The following RP1 variants were observed in gnomAD, a reference collection of about 807,000 sequenced individuals.
RP1 encodes the protein RP1 axonemal microtubule associated, also known as oxygen-regulated protein 1.
A neutral mutation model predicts 14.8 loss-of-function variants in RP1; 16 were observed. The observed-to-expected ratio is 1.08, with a 90% CI of 0.73 to 1.65. The LOEUF is 1.65. Ranked by LOEUF, RP1 falls within the 40% of genes most tolerant of loss-of-function variation. The pLI is 0.00. For missense variants in RP1, 2,631 were observed against 2,535.0 expected (o/e 1.04, Z -0.81); for synonymous variants, 876 against 883.6 (o/e 0.99, Z 0.15).
At chr8:54,799,277 A>G (rs984921998) in intron 24 of RP1, among the ~76,000 whole-genome samples, 6 of 152,096 alleles carry the variant, frequency 3.9e-5, no homozygotes, top group African/African-American at 1.4e-4. Flanking sequence ...ATCCAAATAC[A>G]TTCATTCAAA....
chr8:54,627,543 C>G lies in RP1; in HGVS notation c.3661C>G (p.Pro1221Ala). 1.2e-6 allele frequency: 2 copies of G among 1,614,138 alleles called. No homozygotes were observed. Among genetic ancestry groups the G allele is most frequent in the Non-Finnish European group, 1.7e-6 (2 of 1,179,996 alleles). ...TTCCACGGTCAACATTCAGAGTGTTCCTAAGTGCAGTGAAAATGAAAGAAC... is the reference window on the plus strand; with the variant it reads ...TTCCACGGTCAACATTCAGAGTGTTGCTAAGTGCAGTGAAAATGAAAGAAC... ...NCSTVNIQSV[P>A]KCSENERTQG... The change falls in exon 4 of 4, where the codon CCT becomes GCT. Residue 1221 changes from proline to alanine, a missense_variant. Transcript: ENST00000220676.
chr8:54,763,319 A>G (rs915338806), intron 22 of RP1, among the ~76,000 whole-genome samples: 4 of 152,246 alleles, frequency 2.6e-5, no homozygotes, highest in Non-Finnish European at 2.9e-5. Flanking sequence ...AAGGAGTGCC[A>G]AAAGCTTCTC....
At chr8:54,793,664 G>C (rs1408211084) in intron 24 of RP1, among the ~76,000 whole-genome samples, 1 of 151,870 alleles carries the variant, frequency 6.6e-6, no homozygotes, top group Non-Finnish European at 1.5e-5. Flanking sequence ...ATTTAATATA[G>C]AAGGAATGTA....
intron 27 of RP1, among the ~76,000 whole-genome samples, chr8:54,860,438 A>C (rs951283556): frequency 3.3e-5 from 5 of 152,240 alleles, no homozygotes; most frequent in African/African-American, 1.2e-4. Flanking sequence ...AATGGAATAT[A>C]GAAAGCTTCA....
intron 1 of RP1, among the ~76,000 whole-genome samples, chr8:54,604,876 G>A (rs968274340): frequency 6.6e-6 from 1 of 152,122 alleles, no homozygotes; most frequent in African/African-American, 2.4e-5. Flanking sequence ...TGTGGGATCG[G>A]CGGTGATATC....
chr8:54,809,451 G>T (rs1173953571), intron 24 of RP1, among the ~76,000 whole-genome samples: 1 of 152,108 alleles, frequency 6.6e-6, no homozygotes, highest in Admixed American at 6.5e-5. Context: ...GTCGACTGCT[G>T]GCATCTGAAT....
chr8:54,772,470 A>G (rs1027197332), downstream of RP1, among the ~76,000 whole-genome samples: 1 of 152,168 alleles, frequency 6.6e-6, no homozygotes, highest in Admixed American at 6.5e-5. Context: ...TATTATCCTC[A>G]TATGTTGTCT....
intron 24 of RP1, among the ~76,000 whole-genome samples, chr8:54,784,583 C>A (rs1810272514): frequency 6.6e-6 from 1 of 152,072 alleles, no homozygotes; most frequent in Non-Finnish European, 1.5e-5. Context: ...TTTCCTATGA[C>A]AAACTCTGGG....
intron 11 of RP1, chr8:54,679,720 T>C: frequency 6.6e-7 from 1 of 1,520,614 alleles, no homozygotes; most frequent in Non-Finnish European, 8.8e-7. Context: ...TAGAGTTTAG[T>C]AAGTGCTGTT....
At chr8:54,747,800 C>G (rs1809264436) in intron 19 of RP1, among the ~76,000 whole-genome samples, 1 of 152,140 alleles carries the variant, frequency 6.6e-6, no homozygotes, top group African/African-American at 2.4e-5. Flanking sequence ...TGCACTCCAG[C>G]CTGGGTGACA....
chr8:54,666,983 TCA>T (rs900020646), intron 7 of RP1, among the ~76,000 whole-genome samples: 36 of 151,994 alleles, frequency 2.4e-4, no homozygotes, highest in African/African-American at 8.5e-4. Context: ...CACCTGGACC[TCA>T]GATATGGCAC....
intron 1 of RP1, among the ~76,000 whole-genome samples, chr8:54,569,990 G>A (rs1329642770): frequency 6.6e-6 from 1 of 152,154 alleles, no homozygotes; most frequent in Non-Finnish European, 1.5e-5. Flanking sequence ...TGGAGTCTGC[G>A]TGCTCCTCTT....
At chr8:54,595,679 G>A (rs746114888) in intron 1 of RP1, among the ~76,000 whole-genome samples, 4 of 152,106 alleles carry the variant, frequency 2.6e-5, no homozygotes, top group African/African-American at 4.8e-5. Context: ...GAGTCTACTC[G>A]CCTGATTATG....
intron 1 of RP1, among the ~76,000 whole-genome samples, chr8:54,606,263 G>C (rs1805439020): frequency 6.6e-6 from 1 of 152,130 alleles, no homozygotes; most frequent in Non-Finnish European, 1.5e-5. Context: ...CTCAGCGTTT[G>C]CTCATCTGTA....
intron 16 of RP1, among the ~76,000 whole-genome samples, chr8:54,723,342 T>A (rs914306482): frequency 1.3e-5 from 2 of 152,206 alleles, no homozygotes; most frequent in Admixed American, 6.5e-5. Flanking sequence ...AGACAAGAGA[T>A]TCCGTCTCAT....
At chr8:54,612,250 G>T (rs527875941), upstream of RP1, among the ~76,000 whole-genome samples, 1 of 152,262 alleles carries the variant, frequency 6.6e-6, no homozygotes, top group South Asian at 2.1e-4. Flanking sequence ...GCAGAAATCA[G>T]CAGCCAGAAC....
chr8:54,696,397 G>C, intron 12 of RP1: 1 of 669,308 alleles, frequency 1.5e-6, no homozygotes, highest in Admixed American at 2.5e-5. Flanking sequence ...ACACTAGAAA[G>C]ATGGCGGAGC....
intron 26 of RP1, among the ~76,000 whole-genome samples, chr8:54,853,750 AAGAG>A (rs796124012): frequency 3.4e-5 from 5 of 146,488 alleles, no homozygotes; most frequent in South Asian, 4.4e-4. Context: ...GAAAGAAAGA[AAGAG>A]AGAGAGAAAG....
At chr8:54,608,378 G>C (rs368136589) in intron 1 of RP1, among the ~76,000 whole-genome samples, 1 of 151,960 alleles carries the variant, frequency 6.6e-6, no homozygotes, top group East Asian at 1.9e-4. Flanking sequence ...TGGTCATGAC[G>C]GTATGTTCAA....
Sources: gnomAD v4.1 joint callset for allele counts (sites outside exome capture counted in the v4.1 genomes callset) on GRCh38, gnomAD v4.1.1 for gene constraint, MANE v1.5 for transcripts, NCBI Gene and HGNC (gene_info 2026-07-23, HGNC 2026-07-21) for gene names.